Variants in KCNG3 observed in about 807,000 individuals in gnomAD.
KCNG3 encodes the protein voltage-gated potassium channel regulatory subunit KCNG3.
KCNG3 carries 15 observed loss-of-function variants against 29.0 expected under a neutral mutation model. That is an observed-to-expected ratio of 0.52 (90% CI 0.35 to 0.80). KCNG3 has a LOEUF of 0.80. Ranked by LOEUF, KCNG3 falls within the 30% of genes least tolerant of loss-of-function variation. The pLI, the probability that KCNG3 is intolerant of heterozygous loss-of-function variation, is 0.01. For synonymous variants in KCNG3, 322 were observed against 248.9 expected, an observed-to-expected ratio of 1.29 and a Z score of -2.76; for missense variants, 512 against 605.7, an observed-to-expected ratio of 0.85 and a Z score of 1.62.
chr2:42,432,118 C>T, the KCNG3 span, among the ~76,000 whole-genome samples: 1 of 152,000 alleles, frequency 6.6e-6, no homozygotes, highest in African/African-American at 2.4e-5. Flanking sequence ...GTACAAGGAT[C>T]TCTCAGGGTG....
the KCNG3 span, among the ~76,000 whole-genome samples, chr2:42,435,870 G>A: frequency 1.3e-5 from 2 of 152,136 alleles, no homozygotes; most frequent in Admixed American, 6.5e-5. Flanking sequence ...ATCTAACCTG[G>A]CAATTCCATT....
At chr2:42,409,419 T>G in the KCNG3 span, among the ~76,000 whole-genome samples, 4 of 151,986 alleles carry the variant, frequency 2.6e-5, no homozygotes, top group East Asian at 7.7e-4. Flanking sequence ...AGCATTTTTT[T>G]AAGGCTGGGC....
At chr2:42,486,523 G>A (rs1255595818) in intron 1 of KCNG3, among the ~76,000 whole-genome samples, 1 of 152,178 alleles carries the variant, frequency 6.6e-6, no homozygotes, top group Admixed American at 6.5e-5. Context: ...TGGCACACAG[G>A]CCCTGCCTGA....
downstream of KCNG3, among the ~76,000 whole-genome samples, chr2:42,439,146 C>G (rs1405694719): frequency 6.6e-6 from 1 of 152,022 alleles, no homozygotes; most frequent in African/African-American, 2.4e-5. Context: ...TAGAGAAAAT[C>G]TGAGTTACTT....
At chr2:42,436,516 C>G in the KCNG3 span, among the ~76,000 whole-genome samples, 4 of 152,218 alleles carry the variant, frequency 2.6e-5, no homozygotes, top group African/African-American at 9.6e-5. Flanking sequence ...GCCAATAACA[C>G]TGACTGGTCA....
At chr2:42,434,625 C>G in the KCNG3 span, among the ~76,000 whole-genome samples, 1 of 143,564 alleles carries the variant, frequency 7.0e-6, no homozygotes, top group Non-Finnish European at 1.5e-5. Context: ...GAGATCGCAC[C>G]GCTTCACTCC....
downstream of KCNG3, among the ~76,000 whole-genome samples, chr2:42,438,163 A>G (rs1022188012): frequency 4.6e-5 from 7 of 152,088 alleles, no homozygotes; most frequent in African/African-American, 1.4e-4. Flanking sequence ...AGTTGAACAA[A>G]TCATCGTATA....
chr2:42,464,084 T>C (rs1217226268), intron 1 of KCNG3: 1 of 211,134 alleles, frequency 4.7e-6, no homozygotes, highest in East Asian at 1.7e-4. Context: ...ACAAATGACA[T>C]TTTGAAAAGC....
At chr2:42,391,423 G>T in the KCNG3 span, among the ~76,000 whole-genome samples, 1 of 152,050 alleles carries the variant, frequency 6.6e-6, no homozygotes, top group African/African-American at 2.4e-5. Flanking sequence ...GCATCCTTAA[G>T]ATTGGCTTAT....
At chr2:42,425,818 G>C in the KCNG3 span, among the ~76,000 whole-genome samples, 2 of 152,278 alleles carry the variant, frequency 1.3e-5, no homozygotes, top group African/African-American at 4.8e-5. Flanking sequence ...CATTGTCACA[G>C]CCAGGAGACA....
chr2:42,403,377 A>C, the KCNG3 span, among the ~76,000 whole-genome samples: 3 of 152,062 alleles, frequency 2.0e-5, no homozygotes, highest in East Asian at 5.8e-4. Flanking sequence ...TCCTGGACTC[A>C]AGGGTTCCTC....
At chr2:42,478,754 G>A (rs1673505193) in intron 1 of KCNG3, among the ~76,000 whole-genome samples, 1 of 152,116 alleles carries the variant, frequency 6.6e-6, no homozygotes, top group African/African-American at 2.4e-5. Context: ...TTGAGGGCAA[G>A]GGTCCCGTCT....
chr2:42,408,992 G>A, the KCNG3 span, among the ~76,000 whole-genome samples: 14 of 152,232 alleles, frequency 9.2e-5, no homozygotes, highest in East Asian at 3.9e-4. Flanking sequence ...TGGTCCGGCC[G>A]CAGCCTCACA....
At chr2:42,429,725 C>T in the KCNG3 span, among the ~76,000 whole-genome samples, 1 of 152,200 alleles carries the variant, frequency 6.6e-6, no homozygotes, top group Non-Finnish European at 1.5e-5. Flanking sequence ...TTTAAAACCT[C>T]TCCCCAACCC....
chr2:42,412,365 A>C, the KCNG3 span, among the ~76,000 whole-genome samples: 1 of 152,148 alleles, frequency 6.6e-6, no homozygotes, highest in Non-Finnish European at 1.5e-5. Context: ...TTGTACTTGA[A>C]ATTCTTGGAG....
chr2:42,467,773 C>G (rs1673178655), intron 1 of KCNG3, among the ~76,000 whole-genome samples: 1 of 151,732 alleles, frequency 6.6e-6, no homozygotes, highest in Non-Finnish European at 1.5e-5. Flanking sequence ...AGTTCAAGAC[C>G]AGCCTGGACA....
At chr2:42,450,231 G>A (rs142276871) in intron 1 of KCNG3, among the ~76,000 whole-genome samples, 22 of 152,294 alleles carry the variant, frequency 1.4e-4, no homozygotes, top group African/African-American at 4.6e-4. Flanking sequence ...AAGTAAGCTC[G>A]TCTGTAATGA....
At chr2:42,464,640 C>CAT (rs1673097284) in intron 1 of KCNG3, among the ~76,000 whole-genome samples, 6 of 152,162 alleles carry the variant, frequency 3.9e-5, no homozygotes, top group Admixed American at 3.9e-4. Context: ...TGGAAAGTAA[C>CAT]ACAGTCCCCA....
chr2:42,456,852 T>A (rs1672887494), intron 1 of KCNG3, among the ~76,000 whole-genome samples: 1 of 152,132 alleles, frequency 6.6e-6, no homozygotes, highest in East Asian at 1.9e-4. Flanking sequence ...AAACTGCACA[T>A]CAACAGCCAC....
Sources: gnomAD v4.1 joint callset for allele counts (sites outside exome capture counted in the v4.1 genomes callset) on GRCh38, gnomAD v4.1.1 for gene constraint, MANE v1.5 for transcripts, NCBI Gene and HGNC (gene_info 2026-07-23, HGNC 2026-07-21) for gene names.